Variants in CDK19 observed in about 807,000 individuals in gnomAD.
The protein encoded by CDK19 is cyclin dependent kinase 19.
In CDK19, 20 loss-of-function variants were observed where a neutral mutation model predicts 68.3. That is an observed-to-expected ratio of 0.29 (90% CI 0.21 to 0.43). The LOEUF is 0.43. Ranked by LOEUF, CDK19 falls within the 20% of genes least tolerant of loss-of-function variation. CDK19 has a pLI of 1.00. For synonymous variants in CDK19, 221 were observed against 222.8 expected (o/e 0.99, Z 0.07); for missense variants, 339 against 623.5 (o/e 0.54, Z 4.86).
intron 2 of CDK19, among the ~76,000 whole-genome samples, chr6:110,742,973 C>T (rs1271573098): frequency 1.3e-5 from 2 of 152,104 alleles, no homozygotes; most frequent in Admixed American, 1.3e-4. Flanking sequence ...CAAAAACTTG[C>T]TGGTTTTGCG....
At chr6:110,622,059 G>C (rs1778753631) in intron 11 of CDK19, 29 bp downstream of exon 11, 4 of 1,385,630 alleles carry the variant, frequency 2.9e-6, no homozygotes, top group African/African-American at 1.4e-5. Context: ...TTGCTCTTTG[G>C]AAGTGAAAGT....
intron 2 of CDK19, among the ~76,000 whole-genome samples, chr6:110,726,071 A>C (rs571484565): frequency 4.8e-4 from 73 of 152,290 alleles, no homozygotes; most frequent in Admixed American, 8.5e-4. Context: ...CCATTTTTAA[A>C]ACACCAGTAG....
chr6:110,664,641 G>A (rs1340192932), intron 4 of CDK19, among the ~76,000 whole-genome samples: 1 of 152,132 alleles, frequency 6.6e-6, no homozygotes, highest in Non-Finnish European at 1.5e-5. Flanking sequence ...CACCTATTGT[G>A]TACAGGGGCA....
chr6:110,734,953 C>T (rs1328427170), intron 2 of CDK19, among the ~76,000 whole-genome samples: 1 of 152,126 alleles, frequency 6.6e-6, no homozygotes, highest in African/African-American at 2.4e-5. Context: ...CAAATAATTA[C>T]TTGATTAGTA....
chr6:110,768,265 T>C (rs1455853531), intron 1 of CDK19, among the ~76,000 whole-genome samples: 1 of 152,146 alleles, frequency 6.6e-6, no homozygotes, highest in Non-Finnish European at 1.5e-5. Context: ...TGTGGAGCAA[T>C]AGGAATGCTC....
chr6:110,706,006 A>T (rs1774435535), intron 2 of CDK19, among the ~76,000 whole-genome samples: 1 of 152,048 alleles, frequency 6.6e-6, no homozygotes, highest in African/African-American at 2.4e-5. Context: ...TAAAAAATAA[A>T]AATAATAATA....
At chr6:110,650,823 T>C (rs1780914930) in intron 4 of CDK19, among the ~76,000 whole-genome samples, 2 of 152,210 alleles carry the variant, frequency 1.3e-5, no homozygotes, top group African/African-American at 4.8e-5. Context: ...AAGGGCTTGC[T>C]TGCTGTTTCA....
intron 8 of CDK19, among the ~76,000 whole-genome samples, chr6:110,625,138 T>C (rs2114655020): frequency 6.6e-6 from 1 of 152,292 alleles, no homozygotes; most frequent in Admixed American, 6.5e-5. Context: ...AGAATCTCGC[T>C]ACACAAATGT....
intron 1 of CDK19, among the ~76,000 whole-genome samples, chr6:110,770,089 G>A (rs771404709): frequency 6.6e-6 from 1 of 152,164 alleles, no homozygotes; most frequent in Non-Finnish European, 1.5e-5. Context: ...TAGCTTCTCT[G>A]AATAGGAGGA....
intron 1 of CDK19, among the ~76,000 whole-genome samples, chr6:110,778,798 T>C (rs1489940630): frequency 6.6e-6 from 1 of 152,194 alleles, no homozygotes; most frequent in East Asian, 1.9e-4. Context: ...TGGAAGTCAC[T>C]GGATGAGACA....
intron 2 of CDK19, among the ~76,000 whole-genome samples, chr6:110,731,021 C>T (rs541440220): frequency 6.7e-6 from 1 of 149,194 alleles, no homozygotes; most frequent in Non-Finnish European, 1.5e-5. Flanking sequence ...CATTGCACTC[C>T]AGCTTGGGCG....
At position 110,611,326 on chromosome 6, in the gene CDK19, G is replaced by A. The variant is rs1230444614; in HGVS notation, c.*3209C>T. ...CCTCCTAGTTTGGGTGTTCCCATAGGCTGAGGGATGCCCCTCCTGTACCCT... is the reference window on the plus strand; with the variant it reads ...CCTCCTAGTTTGGGTGTTCCCATAGACTGAGGGATGCCCCTCCTGTACCCT... On this transcript the variant is annotated 3_prime_UTR_variant, in exon 13 of 13. Transcript: ENST00000368911. 6.6e-6 allele frequency: 1 copy of A among 152,202 alleles called. No homozygotes were observed. The highest frequency in any genetic ancestry group is 1.5e-5 in the Non-Finnish European group (1 of 68,042). 9.4% of individuals were successfully genotyped at this position (152,202 alleles called of 1,614,324 possible).
chr6:110,727,591 T>C (rs1405498264), intron 2 of CDK19, among the ~76,000 whole-genome samples: 7 of 151,644 alleles, frequency 4.6e-5, no homozygotes, highest in Non-Finnish European at 8.8e-5. Context: ...AATGTTTCAA[T>C]GGACTCTCAA....
Position 110,621,298 on chromosome 6 carries a change from C to A in CDK19, c.1183G>T (p.Ala395Ser). 6.2e-7 allele frequency: 1 copy of A among 1,609,104 alleles called. No homozygotes were observed. The highest frequency in any genetic ancestry group is 8.5e-7 in the Non-Finnish European group (1 of 1,177,174). The change falls in exon 12 of 13, where the codon GCG (alanine) becomes TCG (serine). Residue 395 changes from alanine (A) to serine (S), a missense_variant. Ala to Ser is a moderately conservative substitution (Grantham distance 99). This residue lies in a region of CDK19 where 155 missense variants were observed against 222.7 expected (regional missense o/e 0.70). Transcript: ENST00000368911. This position sits in a 1 kb window ranked among gnomAD's most constrained non-coding sequence, Gnocchi z 5.4. ...GTGCTGTTCTGCTGTGGTGGGGGCG[C>A]CTGTGGAGGGGCTGCTGCCTGCTGT... Reference protein sequence around the residue: ...PPQQAAAPPQAPPPQQNSTQT... With the variant: ...PPQQAAAPPQSPPPQQNSTQT...
At chr6:110,630,324 C>T (rs748449285) in intron 6 of CDK19, among the ~76,000 whole-genome samples, 26 of 152,336 alleles carry the variant, frequency 1.7e-4, no homozygotes, top group South Asian at 6.2e-4. Context: ...CTCCCTTCCT[C>T]GTGTCCTGGG....
At chr6:110,690,028 A>G (rs1039674761) in intron 2 of CDK19, among the ~76,000 whole-genome samples, 1 of 152,222 alleles carries the variant, frequency 6.6e-6, no homozygotes, top group Non-Finnish European at 1.5e-5. Context: ...TGCTGGGCTC[A>G]GTGGGGAAAG....
At chr6:110,645,902 G>A in intron 4 of CDK19, 1 of 837,528 alleles carries the variant, frequency 1.2e-6, no homozygotes, top group Non-Finnish European at 1.9e-6. Context: ...ACTCAGTCCT[G>A]CGAACTGTGC....
intron 1 of CDK19, among the ~76,000 whole-genome samples, chr6:110,782,803 C>T (rs538214297): frequency 2.0e-5 from 3 of 152,166 alleles, no homozygotes; most frequent in Non-Finnish European, 4.4e-5. Flanking sequence ...TCATGCTCTC[C>T]CTCTCTCTCA....
chr6:110,762,219 A>G (rs1187548607), intron 1 of CDK19, among the ~76,000 whole-genome samples: 2 of 152,226 alleles, frequency 1.3e-5, no homozygotes, highest in Non-Finnish European at 2.9e-5. Context: ...AGAAATTTGT[A>G]TACTGTCAAT....
Sources: allele counts gnomAD v4.1 joint callset (sites outside exome capture counted in the v4.1 genomes callset), GRCh38; gene constraint gnomAD v4.1.1; regional missense constraint gnomAD v4.1.1; non-coding constraint Gnocchi (gnomAD v3.1); transcripts MANE v1.5; gene names NCBI Gene and HGNC (gene_info 2026-07-23, HGNC 2026-07-21).